The following NUDCD1 variants were observed in gnomAD, a reference collection of about 807,000 sequenced individuals.
The protein encoded by NUDCD1 is NudC domain containing 1.
In NUDCD1, 60 loss-of-function variants were observed where a neutral mutation model predicts 67.8. The ratio of observed to expected loss-of-function variants is 0.88; its 90% CI spans 0.72 to 1.10. NUDCD1 has a LOEUF of 1.10. Among genes scored for constraint, NUDCD1 ranks in the 50% least tolerant of loss-of-function variants. The probability of loss-of-function intolerance (pLI) is 0.00; values close to 1 mark genes in which losing one functional copy is unlikely to be tolerated. For missense variants in NUDCD1, 643 were observed against 695.0 expected, an observed-to-expected ratio of 0.93 and a Z score of 0.84; for synonymous variants, 244 against 230.8, an observed-to-expected ratio of 1.06 and a Z score of -0.52.
chr8:109,284,695 T>A (rs540192590), intron 5 of NUDCD1, among the ~76,000 whole-genome samples: 5 of 151,960 alleles, frequency 3.3e-5, no homozygotes, highest in African/African-American at 1.2e-4. Context: ...AGGAAAGTGC[T>A]ATGTATCTAC....
Position 109,289,839 on chromosome 8 carries a change from C to T in NUDCD1, c.735G>A (p.Met245Ile). ...AAIEPDGNGL[M>I]IVSYKSLTFV... ...ATGTTAAAGACTTGTAGGATACAAT[C>T]ATTAGACCATTTCCATCAGGCTCAA... The change falls in exon 5 of 10, where the codon ATG becomes ATA. Residue 245 changes from methionine (M) to isoleucine (I), a missense_variant. Physicochemically the swap from Met to Ile is conservative, Grantham distance 10. Transcript: ENST00000239690. 6.4e-7 allele frequency: 1 copy of T among 1,561,434 alleles called. No homozygotes were observed. The highest frequency in any genetic ancestry group is 8.7e-7 in the Non-Finnish European group (1 of 1,149,372).
At chr8:109,310,116 GA>G (rs1316102810) in intron 2 of NUDCD1, among the ~76,000 whole-genome samples, 3 of 151,212 alleles carry the variant, frequency 2.0e-5, no homozygotes, top group Non-Finnish European at 4.4e-5. Flanking sequence ...CACAGAATTA[GA>G]AAAAAAAATT....
At position 109,281,057 on chromosome 8, in the gene NUDCD1, A is replaced by G. The variant is rs1372707660; in HGVS notation, c.939T>C (p.Ile313=). 5 of 1,612,450 alleles carry G rather than the reference A, an allele frequency of 3.1e-6. No individual in the cohort carries two copies. Among genetic ancestry groups the G allele is most frequent in the Non-Finnish European group, 4.2e-6 (5 of 1,178,616 alleles). Residue 313 remains isoleucine, a synonymous_variant, in exon 6 of 10, where the codon ATT becomes ATC. Coordinates refer to ENST00000239690, the MANE Select transcript of NUDCD1 (RefSeq NM_032869.4). The part of the protein sequence containing the change: ...QIQFLPDHIN[I]VLKDHQFLEG... Reference sequence around the variant, plus strand: ...CTAAAAACTGGTGATCCTTCAGTACAATGTTGATGTGATCAGGCAAAAACT... The same window carrying G: ...CTAAAAACTGGTGATCCTTCAGTACGATGTTGATGTGATCAGGCAAAAACT...
chr8:109,325,671 T>A (rs1044668322), intron 1 of NUDCD1, among the ~76,000 whole-genome samples: 6 of 152,144 alleles, frequency 3.9e-5, no homozygotes, highest in African/African-American at 1.4e-4. Flanking sequence ...ACAGGAAAGG[T>A]TGCAATAAAT....
intron 2 of NUDCD1, among the ~76,000 whole-genome samples, chr8:109,303,165 C>G (rs985562213): frequency 6.6e-6 from 1 of 152,196 alleles, no homozygotes; most frequent in Non-Finnish European, 1.5e-5. Context: ...TGTGTGGGAC[C>G]CCACTGGAAA....
At chr8:109,275,110 A>C (rs1038580656) in intron 7 of NUDCD1, among the ~76,000 whole-genome samples, 5 of 151,692 alleles carry the variant, frequency 3.3e-5, no homozygotes, top group African/African-American at 1.2e-4. Context: ...ACATACGCAC[A>C]CATAAACAGA....
intron 2 of NUDCD1, among the ~76,000 whole-genome samples, chr8:109,301,481 C>T (rs1438784321): frequency 6.6e-6 from 1 of 152,220 alleles, no homozygotes; most frequent in Non-Finnish European, 1.5e-5. Flanking sequence ...GGTCTCTTTA[C>T]ACAGATGCGC....
chr8:109,316,520 A>G (rs1431934935), intron 2 of NUDCD1: 1 of 152,214 alleles, frequency 6.6e-6, no homozygotes, highest in East Asian at 1.9e-4. Flanking sequence ...GATGAAAACA[A>G]AAGAAAACAA....
chr8:109,271,336 C>T (rs1814151889), intron 7 of NUDCD1, among the ~76,000 whole-genome samples: 1 of 151,924 alleles, frequency 6.6e-6, no homozygotes, highest in South Asian at 2.1e-4. Context: ...ATAAACAGTT[C>T]CATATACTCA....
intron 5 of NUDCD1, among the ~76,000 whole-genome samples, chr8:109,281,380 T>A (rs770989380): frequency 6.6e-6 from 1 of 152,188 alleles, no homozygotes; most frequent in Non-Finnish European, 1.5e-5. Context: ...CAGACTTACC[T>A]GATGCTTGAG....
intron 1 of NUDCD1, among the ~76,000 whole-genome samples, chr8:109,333,313 C>T (rs1322252855): frequency 1.3e-5 from 2 of 152,180 alleles, no homozygotes; most frequent in Admixed American, 6.5e-5. Context: ...CTACCAGCTA[C>T]AGATAAAGCA....
chr8:109,324,205 A>AG (rs1482095019), intron 1 of NUDCD1, among the ~76,000 whole-genome samples: 4 of 147,712 alleles, frequency 2.7e-5, no homozygotes, highest in African/African-American at 9.8e-5. Flanking sequence ...TGTTGAAGCA[A>AG]AAAAAAAAAA....
At chr8:109,253,569 A>G (rs896385645) in intron 8 of NUDCD1, among the ~76,000 whole-genome samples, 1 of 152,198 alleles carries the variant, frequency 6.6e-6, no homozygotes, top group Non-Finnish European at 1.5e-5. Context: ...CACAGGCTCC[A>G]TATATGCTCA....
intron 2 of NUDCD1, among the ~76,000 whole-genome samples, chr8:109,309,886 C>G (rs552994900): frequency 1.3e-5 from 2 of 149,962 alleles, no homozygotes; most frequent in East Asian, 3.9e-4. Flanking sequence ...ACAAAACAAA[C>G]AAACAAAAAA....
At chr8:109,245,280 A>C (rs755911993) in intron 9 of NUDCD1, 42 bp downstream of exon 9, 1 of 1,566,542 alleles carries the variant, frequency 6.4e-7, no homozygotes, top group Non-Finnish European at 8.7e-7. Flanking sequence ...TGATGACTGT[A>C]TTTCTGATTT....
At chr8:109,259,107 AACT>A (rs1813806688) in intron 8 of NUDCD1, among the ~76,000 whole-genome samples, 1 of 152,222 alleles carries the variant, frequency 6.6e-6, no homozygotes, top group African/African-American at 2.4e-5. Flanking sequence ...CTTAATTCTC[AACT>A]ACTATTTCAA....
intron 6 of NUDCD1, among the ~76,000 whole-genome samples, chr8:109,277,648 C>A (rs1241060527): frequency 6.6e-6 from 1 of 152,028 alleles, no homozygotes; most frequent in Admixed American, 6.6e-5. Flanking sequence ...TTTTTTAACA[C>A]AAAATAATAA....
chr8:109,260,617 C>T (rs1563662198), intron 8 of NUDCD1, among the ~76,000 whole-genome samples: 1 of 152,236 alleles, frequency 6.6e-6, no homozygotes, highest in African/African-American at 2.4e-5. Flanking sequence ...ATGTATAATT[C>T]ACATATCTCA....
At chr8:109,324,217 T>C (rs1278118560) in intron 1 of NUDCD1, among the ~76,000 whole-genome samples, 2 of 149,276 alleles carry the variant, frequency 1.3e-5, no homozygotes, top group Non-Finnish European at 3.0e-5. Context: ...AAAAAAAAAG[T>C]CCCATTATAA....
Sources: allele counts gnomAD v4.1 joint callset (sites outside exome capture counted in the v4.1 genomes callset), GRCh38; gene constraint gnomAD v4.1.1; transcripts MANE v1.5; gene names NCBI Gene and HGNC (gene_info 2026-07-23, HGNC 2026-07-21).